The following SPECC1 variants were observed in gnomAD, a reference collection of about 807,000 sequenced individuals.
SPECC1 encodes cytospin-B.
Under a neutral mutation model 104.1 loss-of-function variants are expected in SPECC1, and 62 were observed. The ratio of observed to expected loss-of-function variants is 0.60; its 90% CI spans 0.49 to 0.74. The LOEUF is 0.74. Among genes scored for constraint, SPECC1 ranks in the 30% least tolerant of loss-of-function variants. The probability of loss-of-function intolerance (pLI) is 0.00; values close to 1 mark genes in which losing one functional copy is unlikely to be tolerated. For synonymous variants in SPECC1, 513 were observed against 501.6 expected, an observed-to-expected ratio of 1.02 and a Z score of -0.30; for missense variants, 1,306 against 1,310.5, an observed-to-expected ratio of 1.00 and a Z score of 0.05.
chr17:20,117,259 T>C (rs551205723), intron 3 of SPECC1, among the ~76,000 whole-genome samples: 51 of 152,130 alleles, frequency 3.4e-4, no homozygotes, highest in Admixed American at 1.5e-3. Context: ...GATTAAAGAT[T>C]TAAATATTAA....
intron 1 of SPECC1, among the ~76,000 whole-genome samples, chr17:20,052,435 A>G (rs542890576): frequency 2.6e-5 from 4 of 152,212 alleles, no homozygotes; most frequent in African/African-American, 9.6e-5. Context: ...ATCTAGACCA[A>G]AAACCAGAGT....
chr17:20,110,146 A>T lies in SPECC1; in HGVS notation c.148-281A>T, dbSNP rs4925086. ...GTCACTGTGCCCAGCCACATTTTTT[A>T]AGGCTCATTACTTGAAGTGTGACCT... On this transcript the variant is annotated intron_variant, in intron 2 of 14. Transcript: ENST00000395527. Among the ~76,000 whole-genome samples the T allele has an allele frequency of 0.57, 86,046 of 152,028 alleles. 24,936 individuals are homozygous for T. Among genetic ancestry groups the T allele is most frequent in the Middle Eastern group, 0.62 (182 of 294 alleles).
intron 3 of SPECC1, among the ~76,000 whole-genome samples, chr17:20,180,746 C>G (rs151322197): frequency 1.8e-4 from 27 of 152,308 alleles, no homozygotes; most frequent in African/African-American, 6.3e-4. Context: ...TGCTTGCAGC[C>G]TGCCAGTTTT....
rs934454742 is a variant in SPECC1 at position 20,256,573 on chromosome 17, C to T, written c.2681-878C>T. Among the ~76,000 whole-genome samples the T allele has an allele frequency of 3.9e-5, 6 of 152,152 alleles. No individual in the cohort carries two copies. The South Asian group carries it at 8.3e-4, about 21-fold the overall frequency. ...TCTGTGACTATTCACAGGTCATGGG[C>T]GGCAACTGTGGGCTCATCCTGGTCC... On this transcript the variant is annotated intron_variant, in intron 10 of 14. Coordinates refer to ENST00000395527, the MANE Select transcript of SPECC1 (RefSeq NM_001243439.2).
At chr17:20,163,771 G>A (rs8069393) in intron 3 of SPECC1, among the ~76,000 whole-genome samples, 8,256 of 152,018 alleles carry the variant, frequency 0.054, 721 homozygotes, top group African/African-American at 0.18. Flanking sequence ...ATATTGCCCT[G>A]GCTGGTCTTG....
Position 20,244,904 on chromosome 17 carries a change from A to G in SPECC1, c.2352-1022A>G, listed in dbSNP as rs1237758327. Among the ~76,000 whole-genome samples the G allele has an allele frequency of 3.3e-5, 5 of 152,212 alleles. No individual in the cohort carries two copies. In the East Asian group the frequency reaches 9.6e-4, roughly 29 times the overall value. On this transcript the variant is annotated intron_variant, in intron 7 of 14. Coordinates refer to ENST00000395527, the MANE Select transcript of SPECC1 (RefSeq NM_001243439.2). Reference sequence around the variant, plus strand: ...TCACAGGGAGATCACATGACATGCCAAAGTCCCCTATATGAGGAAGCCATG... The same window carrying G: ...TCACAGGGAGATCACATGACATGCCGAAGTCCCCTATATGAGGAAGCCATG...
intron 3 of SPECC1, among the ~76,000 whole-genome samples, chr17:20,174,094 G>T (rs1384151507): frequency 2.0e-5 from 3 of 151,916 alleles, no homozygotes. Flanking sequence ...ACCACATTTG[G>T]CTAATTTGGT....
At chr17:20,273,092 C>A (rs1935805483) in intron 12 of SPECC1, among the ~76,000 whole-genome samples, 2 of 152,158 alleles carry the variant, frequency 1.3e-5, no homozygotes, top group Non-Finnish European at 2.9e-5. Context: ...TTTAGGTGGT[C>A]CTTCCTCTTG....
chr17:20,253,528 G>A lies in SPECC1; in HGVS notation c.2622G>A (p.Val874=), dbSNP rs755063137. 1.2e-6 allele frequency: 2 copies of A among 1,614,048 alleles called. No homozygotes were observed. The highest frequency in any genetic ancestry group is 4.5e-5 in the East Asian group (2 of 44,890). ...AGAGGCATTCGACTTACAGCAGTGT[G>A]CGGCCAGCCAGCAGAGGGGTGACTC... The part of the protein sequence containing the change: ...PMQRHSTYSS[V]RPASRGVTQR... Residue 874 remains valine, a synonymous_variant, in exon 10 of 15, where the codon GTG becomes GTA. Coordinates refer to ENST00000395527, the MANE Select transcript of SPECC1 (RefSeq NM_001243439.2).
At chr17:20,253,052 T>C (rs1447844093) in intron 9 of SPECC1, among the ~76,000 whole-genome samples, 1 of 152,076 alleles carries the variant, frequency 6.6e-6, no homozygotes, top group African/African-American at 2.4e-5. Flanking sequence ...TTTTTTTTTT[T>C]TGATGATGGT....
intron 10 of SPECC1, among the ~76,000 whole-genome samples, chr17:20,255,864 G>A (rs776296408): frequency 2.3e-4 from 34 of 150,698 alleles, no homozygotes; most frequent in Non-Finnish European, 4.1e-4. Flanking sequence ...GAGCCATCAT[G>A]CCTGGCCAAG....
intron 3 of SPECC1, among the ~76,000 whole-genome samples, chr17:20,201,547 C>G (rs1018983344): frequency 5.3e-5 from 8 of 152,092 alleles, no homozygotes; most frequent in Admixed American, 1.3e-4. Flanking sequence ...ATAACAAATG[C>G]CAGTGTGATG....
chr17:20,305,536 T>C (rs972499007), intron 13 of SPECC1: 8 of 154,760 alleles, frequency 5.2e-5, no homozygotes, highest in African/African-American at 1.9e-4. Flanking sequence ...AGTAGTCGTA[T>C]TAGCATATTA....
chr17:20,165,095 C>T (rs981687224), intron 3 of SPECC1, among the ~76,000 whole-genome samples: 1 of 151,978 alleles, frequency 6.6e-6, no homozygotes, highest in Non-Finnish European at 1.5e-5. Context: ...AGGTTTGTTA[C>T]ATAAGTAAAC....
chr17:20,153,415 G>A (rs960852621), intron 3 of SPECC1, among the ~76,000 whole-genome samples: 2 of 152,218 alleles, frequency 1.3e-5, no homozygotes, highest in Non-Finnish European at 2.9e-5. Flanking sequence ...TCTAGGCAGA[G>A]GCATGGCGCA....
At chr17:20,223,620 C>T (rs1320820386) in intron 4 of SPECC1, among the ~76,000 whole-genome samples, 1 of 151,746 alleles carries the variant, frequency 6.6e-6, no homozygotes, top group Non-Finnish European at 1.5e-5. Context: ...TTGCAGTGAG[C>T]CGAGAAAGTA....
At chr17:20,133,246 G>T (rs2049750589) in intron 3 of SPECC1, among the ~76,000 whole-genome samples, 1 of 151,102 alleles carries the variant, frequency 6.6e-6, no homozygotes. Flanking sequence ...ATTTCACCGA[G>T]TTCTGCTCTT....
intron 3 of SPECC1, among the ~76,000 whole-genome samples, chr17:20,171,672 C>T (rs537038530): frequency 3.8e-4 from 58 of 152,174 alleles, no homozygotes; most frequent in African/African-American, 1.3e-3. Context: ...CTCAACCTCT[C>T]GGGTAGCTAG....
intron 3 of SPECC1, among the ~76,000 whole-genome samples, chr17:20,179,278 G>A (rs1567907723): frequency 6.6e-6 from 1 of 152,260 alleles, no homozygotes. Flanking sequence ...ACCAGATGCT[G>A]CAGGCACTAA....
Sources: gnomAD v4.1 joint callset for allele counts (sites outside exome capture counted in the v4.1 genomes callset) on GRCh38, gnomAD v4.1.1 for gene constraint, MANE v1.5 for transcripts, NCBI Gene and HGNC (gene_info 2026-07-23, HGNC 2026-07-21) for gene names.